Variants in NEK3 observed in about 807,000 individuals in gnomAD.
The protein encoded by NEK3 is serine/threonine-protein kinase Nek3.
In NEK3, 54 loss-of-function variants were observed where a neutral mutation model predicts 66.0. The ratio of observed to expected loss-of-function variants is 0.82; its 90% confidence interval spans 0.66 to 1.03. NEK3 has a LOEUF of 1.03. Among genes scored for constraint, NEK3 ranks in the 50% least tolerant of loss-of-function variants. NEK3 has a pLI of 0.00. For synonymous variants in NEK3, 200 were observed against 206.2 expected (o/e 0.97, Z 0.26); for missense variants, 593 against 603.0 (o/e 0.98, Z 0.17).
chr13:52,138,394 T>A (rs1956222110), intron 11 of NEK3, among the ~76,000 whole-genome samples: 1 of 152,166 alleles, frequency 6.6e-6, no homozygotes, highest in Admixed American at 6.5e-5. Context: ...TTTATCAAAT[T>A]GTGCATAAAA....
At chr13:52,144,604 C>A in intron 9 of NEK3, 87 bp downstream of exon 9, 2 of 1,049,262 alleles carry the variant, frequency 1.9e-6, no homozygotes, top group Non-Finnish European at 2.8e-6. Context: ...TTTTGATGAG[C>A]ACATGTAATG....
At chr13:52,149,541 A>C (rs1385838822) in intron 7 of NEK3, among the ~76,000 whole-genome samples, 2 of 152,064 alleles carry the variant, frequency 1.3e-5, no homozygotes, top group Non-Finnish European at 2.9e-5. Context: ...TTTGCGTGCT[A>C]ATCTCCCTCC....
chr13:52,152,071 C>T (rs1224730557), intron 5 of NEK3, among the ~76,000 whole-genome samples: 1 of 152,176 alleles, frequency 6.6e-6, no homozygotes, highest in Non-Finnish European at 1.5e-5. Context: ...GAGTACTTAT[C>T]CCCCTGTCGT....
chr13:52,151,373 T>C lies in NEK3; in HGVS notation c.413A>G (p.Asn138Ser), dbSNP rs746707739. The change falls in exon 6 of 16, where the codon AAT (asparagine) becomes AGT (serine). Residue 138 changes from asparagine to serine, a missense_variant. By Grantham distance (46) the Asn-to-Ser change is conservative. Transcript: ENST00000610828. ...AAAGTCTCCCAATTTCACTTTTCCATTCTGAGTGAGGAAGATATTCTGCAT... is the reference window on the plus strand; with the variant it reads ...AAAGTCTCCCAATTTCACTTTTCCACTCTGAGTGAGGAAGATATTCTGCAT... ...IKSKNIFLTQ[N>S]GKVKLGDFGS... 2.0e-5 allele frequency: 32 copies of C among 1,590,536 alleles called. No homozygotes were observed. The East Asian group carries it at 2.0e-4, about 10-fold the overall frequency.
rs115155147 is a variant in NEK3, at chr13:52,145,919, C to A, written c.604-1028G>T. ...TTTACCTATGTAACAAAGCTGCGTACTCTGAACATGTACCCCAGAACTTAA... is the reference window on the plus strand; with the variant it reads ...TTTACCTATGTAACAAAGCTGCGTAATCTGAACATGTACCCCAGAACTTAA... On this transcript the variant is annotated intron_variant, in intron 8 of 15. Coordinates refer to ENST00000610828, the MANE Select transcript of NEK3 (RefSeq NM_002498.3). Among the ~76,000 whole-genome samples the A allele has an allele frequency of 7.1e-3, 1,082 of 152,250 alleles. 12 individuals carry two copies. Among genetic ancestry groups the A allele is most frequent in the African/African-American group, 0.025 (1,038 of 41,534 alleles).
chr13:52,139,756 G>A (rs763158080), intron 11 of NEK3, among the ~76,000 whole-genome samples: 21 of 151,942 alleles, frequency 1.4e-4, no homozygotes, highest in Non-Finnish European at 2.6e-4. Context: ...AAAATTAGCT[G>A]GGCACGGTGG....
rs778532408 is a variant in NEK3 at position 52,156,062 on chromosome 13, C to G, written c.117+13G>C. Reference sequence around the variant, plus strand: ...GTATACTTTCAAAGTGAGCTAATTTCTTTAGTAGTGACCTTGGGAAGCCTT... The same window carrying G: ...GTATACTTTCAAAGTGAGCTAATTTGTTTAGTAGTGACCTTGGGAAGCCTT... On this transcript the variant is annotated intron_variant, in intron 2 of 15. Coordinates refer to ENST00000610828, the MANE Select transcript of NEK3 (RefSeq NM_002498.3). 2 of 1,527,406 alleles carry G rather than the reference C, an allele frequency of 1.3e-6. No homozygotes were observed. The highest frequency in any genetic ancestry group is 1.2e-5 in the South Asian group (1 of 85,246). 94.6% of individuals were successfully genotyped at this position (1,527,406 alleles called of 1,614,324 possible). A position where few individuals can be genotyped will look rare whatever the true frequency, so the allele number is the denominator to read the frequency against.
chr13:52,148,555 G>C, intron 7 of NEK3, 86 bp from the exon 8 acceptor site: 2 of 1,135,024 alleles, frequency 1.8e-6, no homozygotes, highest in Non-Finnish European at 2.6e-6. Context: ...AATAAGAATA[G>C]ATATCACAAG....
intron 11 of NEK3, 76 bp downstream of exon 11, chr13:52,140,944 A>G (rs1273321304): frequency 2.5e-6 from 3 of 1,189,014 alleles, no homozygotes; most frequent in African/African-American, 1.5e-5. Flanking sequence ...CCTCCCGAGT[A>G]GCTGGGATTA....
chr13:52,141,258 A>G (rs185774213), intron 10 of NEK3, among the ~76,000 whole-genome samples, 189 bp from the exon 11 acceptor site: 7 of 152,346 alleles, frequency 4.6e-5, no homozygotes, highest in African/African-American at 1.7e-4. Flanking sequence ...AGTTATTGAA[A>G]GAGGCTATTT....
chr13:52,158,796 C>T (rs1035472896), intron 1 of NEK3, among the ~76,000 whole-genome samples: 4 of 152,154 alleles, frequency 2.6e-5, no homozygotes, highest in Non-Finnish European at 4.4e-5. Context: ...TCAGAAAGGT[C>T]CCTGAAACCA....
intron 4 of NEK3, 141 bp from the exon 5 acceptor site, chr13:52,152,833 T>C: frequency 2.0e-6 from 1 of 501,140 alleles, no homozygotes; most frequent in Non-Finnish European, 3.5e-6. Flanking sequence ...AATTACATAG[T>C]TCAACTAAGA....
In NEK3 at chr13:52,132,648, C is replaced by A. The variant is rs1956162751; in HGVS notation, c.*494G>T. On this transcript the variant is annotated 3_prime_UTR_variant, in exon 16 of 16. Transcript: ENST00000610828. ...TGAAAAACTGCACACATTACTAAAT[C>A]ATAATTAAATATATTTAATTCTCAA... 5 of 152,448 alleles carry A rather than the reference C, an allele frequency of 3.3e-5. No homozygotes were observed. Among genetic ancestry groups the A allele is most frequent in the Admixed American group, 3.3e-4 (5 of 15,324 alleles). The allele number at this position is 152,448 out of a possible 1,614,324, so 9.4% of individuals were successfully genotyped here. A position where few individuals can be genotyped will look rare whatever the true frequency, so the allele number is the denominator to read the frequency against.
intron 10 of NEK3, 138 bp from the exon 11 acceptor site, chr13:52,141,207 G>C (rs965972831): frequency 8.2e-6 from 5 of 607,418 alleles, no homozygotes; most frequent in Non-Finnish European, 1.4e-5. Context: ...CTGATATCCT[G>C]AATGGGAATA....
rs1956345510 is a variant in NEK3 at position 52,151,387 on chromosome 13, G to A, written c.399C>T (p.Ile133=). 1 of 1,582,494 alleles carries A rather than the reference G, an allele frequency of 6.3e-7. No individual in the cohort carries two copies. The highest frequency in any genetic ancestry group is 8.6e-7 in the Non-Finnish European group (1 of 1,163,492). ...VLHRDIKSKN[I]FLTQNGKVKL... Reference sequence around the variant, plus strand: ...TCACTTTTCCATTCTGAGTGAGGAAGATATTCTGCATTTAAAAAGAAAAGC... The same window carrying A: ...TCACTTTTCCATTCTGAGTGAGGAAAATATTCTGCATTTAAAAAGAAAAGC... The change falls in exon 6 of 16, where the codon ATC becomes ATT. Residue 133 remains isoleucine, a synonymous_variant. Coordinates refer to ENST00000610828, the MANE Select transcript of NEK3 (RefSeq NM_002498.3).
At chr13:52,145,553 T>C (rs1052223545) in intron 8 of NEK3, among the ~76,000 whole-genome samples, 5 of 152,108 alleles carry the variant, frequency 3.3e-5, no homozygotes, top group African/African-American at 1.2e-4. Flanking sequence ...GCTCAAACGA[T>C]CCTCCCACTT....
chr13:52,141,314 C>T (rs1275261413), intron 10 of NEK3, among the ~76,000 whole-genome samples: 1 of 152,176 alleles, frequency 6.6e-6, no homozygotes, highest in Non-Finnish European at 1.5e-5. Context: ...TAAAAGACAT[C>T]TCTATTCACT....
intron 10 of NEK3, among the ~76,000 whole-genome samples, chr13:52,141,964 G>C (rs1473150596): frequency 1.3e-5 from 2 of 151,286 alleles, no homozygotes; most frequent in Non-Finnish European, 2.9e-5. Context: ...GCGCATGCCT[G>C]TAATCCCAGC....
chr13:52,136,820 C>A lies in NEK3; in HGVS notation c.1010G>T (p.Arg337Ile). Reference protein sequence around the residue: ...NENLVESALRRVNREEKGNKS... With the variant: ...NENLVESALRIVNREEKGNKS... ...CTTACCTTTTTCTTCTCTGTTTACTCTTCTCAATGCACTTTCAACTAAATT... is the reference window on the plus strand; with the variant it reads ...CTTACCTTTTTCTTCTCTGTTTACTATTCTCAATGCACTTTCAACTAAATT... The change falls in exon 12 of 16, where the codon AGA becomes ATA. Residue 337 changes from arginine to isoleucine, a missense_variant. Transcript: ENST00000610828. The A allele has an allele frequency of 6.4e-7, 1 of 1,561,966 alleles. No individual in the cohort carries two copies. Among genetic ancestry groups the A allele is most frequent in the South Asian group, 1.2e-5 (1 of 84,660 alleles).
Sources: allele counts gnomAD v4.1 joint callset (sites outside exome capture counted in the v4.1 genomes callset), GRCh38; gene constraint gnomAD v4.1.1; transcripts MANE v1.5; gene names NCBI Gene and HGNC (gene_info 2026-07-23, HGNC 2026-07-21).